TMTC1: variants seen among roughly 807,000 people sequenced by gnomAD.
The protein encoded by TMTC1 is transmembrane O-mannosyltransferase targeting cadherins 1.
TMTC1 carries 73 observed loss-of-function variants against 104.8 expected under a neutral mutation model. The ratio of observed to expected loss-of-function variants is 0.70; its 90% CI spans 0.58 to 0.85. The LOEUF (loss-of-function observed/expected upper bound fraction) is 0.85, where lower values mean the gene tolerates loss of function less well. TMTC1 is among the 40% of genes least tolerant of loss of function. The pLI is 0.00. For synonymous variants in TMTC1, 434 were observed against 428.7 expected, an observed-to-expected ratio of 1.01 and a Z score of -0.15; for missense variants, 1,035 against 1,096.1, an observed-to-expected ratio of 0.94 and a Z score of 0.79.
At chr12:29,622,504 C>A (rs1242348049) in intron 6 of TMTC1, among the ~76,000 whole-genome samples, 1 of 152,100 alleles carries the variant, frequency 6.6e-6, no homozygotes, top group Non-Finnish European at 1.5e-5. Flanking sequence ...TCTATAAGAG[C>A]CATAAAGAAA....
chr12:29,632,555 C>A (rs991212432), intron 6 of TMTC1, among the ~76,000 whole-genome samples: 2 of 152,156 alleles, frequency 1.3e-5, no homozygotes, highest in Admixed American at 1.3e-4. Flanking sequence ...TTTGCTTCCC[C>A]TTCTGCCCTG....
At chr12:29,751,267 C>T (rs1468804607) in intron 5 of TMTC1, among the ~76,000 whole-genome samples, 2 of 152,130 alleles carry the variant, frequency 1.3e-5, no homozygotes, top group African/African-American at 4.8e-5. Flanking sequence ...AAGGAAGAGT[C>T]CTCTGGGTTT....
chr12:29,768,187 T>C, intron 1 of TMTC1, 112 bp from the exon 2 acceptor site: 1 of 816,760 alleles, frequency 1.2e-6, no homozygotes, highest in Non-Finnish European at 1.8e-6. Flanking sequence ...AGATTAATGA[T>C]TTTTAAATGA....
At position 29,536,284 on chromosome 12, in the gene TMTC1, T is replaced by C. The variant is rs1944640981; in HGVS notation, c.1710A>G (p.Leu570=). ...SQEKKEEAIT[L]LKDSIKYGPE... ...GACCATATTTGATGGAATCCTTCAG[T>C]AAGGTGATAGCTTCTTCCTTTTTCT... The change falls in exon 11 of 18, where the codon TTA becomes TTG. Residue 570 remains leucine, a synonymous_variant. Coordinates refer to ENST00000539277, the MANE Select transcript of TMTC1 (RefSeq NM_001193451.2). 1.9e-6 allele frequency: 3 copies of C among 1,612,444 alleles called. No individual in the cohort carries two copies. The highest frequency in any genetic ancestry group is 2.5e-6 in the Non-Finnish European group (3 of 1,179,332).
At chr12:29,677,323 A>G (rs1327801132) in intron 5 of TMTC1, among the ~76,000 whole-genome samples, 1 of 152,180 alleles carries the variant, frequency 6.6e-6, no homozygotes, top group Non-Finnish European at 1.5e-5. Context: ...ACATCTTAAC[A>G]GGACCAATGG....
Position 29,751,824 on chromosome 12 carries a change from G to C in TMTC1, c.780C>G (p.Pro260=). Residue 260 remains proline (P), a synonymous_variant, in exon 5 of 18, where the codon CCC becomes CCG. Coordinates refer to ENST00000539277, the MANE Select transcript of TMTC1 (RefSeq NM_001193451.2). ...CPRSPQQPGS[P]QPSSLPGHPH... ...GATGGCCTGGCAGTGAGGAGGGCTG[G>C]GGGCTCCCGGGCTGCTGTGGGCTGC... The C allele has an allele frequency of 6.2e-7, 1 of 1,603,596 alleles. No homozygotes were observed. Among genetic ancestry groups the C allele is most frequent in the Non-Finnish European group, 8.5e-7 (1 of 1,174,848 alleles).
intron 1 of TMTC1, among the ~76,000 whole-genome samples, chr12:29,774,882 T>A (rs116623189): frequency 1.3e-5 from 2 of 152,144 alleles, no homozygotes; most frequent in Non-Finnish European, 2.9e-5. Context: ...AGAGGGGAGA[T>A]TGATACTCTG....
At chr12:29,677,832 C>T (rs1015412814) in intron 5 of TMTC1, among the ~76,000 whole-genome samples, 2 of 152,230 alleles carry the variant, frequency 1.3e-5, no homozygotes, top group African/African-American at 4.8e-5. Flanking sequence ...TAATGCCCCA[C>T]ACATGCAAAA....
intron 6 of TMTC1, among the ~76,000 whole-genome samples, chr12:29,605,876 T>G (rs867710431): frequency 2.0e-5 from 3 of 152,166 alleles, no homozygotes; most frequent in African/African-American, 7.2e-5. Context: ...CTCCCTCCTT[T>G]CAGAGTCTCC....
chr12:29,661,431 T>G (rs113625992), intron 5 of TMTC1: 1 of 753,952 alleles, frequency 1.3e-6, no homozygotes, highest in East Asian at 1.3e-4. Context: ...TTTTTTTTTT[T>G]TTTTTTTTTG....
chr12:29,569,306 C>A (rs1945602928), intron 9 of TMTC1, among the ~76,000 whole-genome samples: 1 of 152,114 alleles, frequency 6.6e-6, no homozygotes, highest in Admixed American at 6.5e-5. Flanking sequence ...TGTAAGCCAG[C>A]CAAAAAGAGA....
At chr12:29,507,023 C>T (rs202013201) in intron 17 of TMTC1, 37 bp from the exon 18 acceptor site, 2 of 1,588,572 alleles carry the variant, frequency 1.3e-6, no homozygotes, top group East Asian at 2.2e-5. Context: ...ACATTCTGAT[C>T]CATCACAAAA....
At chr12:29,649,886 G>A (rs1031640173) in intron 5 of TMTC1, among the ~76,000 whole-genome samples, 2 of 152,092 alleles carry the variant, frequency 1.3e-5, no homozygotes, top group Non-Finnish European at 2.9e-5. Flanking sequence ...CTATAACCAA[G>A]GTCACCAGTT....
intron 5 of TMTC1, among the ~76,000 whole-genome samples, chr12:29,642,726 C>T (rs1235817453): frequency 6.6e-6 from 1 of 151,964 alleles, no homozygotes; most frequent in Non-Finnish European, 1.5e-5. Context: ...GAGATCAAGA[C>T]CATTCTGGCT....
At chr12:29,718,890 G>A (rs1194207724) in intron 5 of TMTC1, among the ~76,000 whole-genome samples, 3 of 137,532 alleles carry the variant, frequency 2.2e-5, no homozygotes, top group Non-Finnish European at 4.5e-5. Context: ...CTGAGATCGC[G>A]CCACTGCACT....
intron 8 of TMTC1, among the ~76,000 whole-genome samples, chr12:29,577,053 C>T (rs1187897647): frequency 6.6e-6 from 1 of 152,014 alleles, no homozygotes. Flanking sequence ...ATGGAGAATA[C>T]CTAAGGAGAA....
At chr12:29,755,264 C>T (rs978758376) in intron 4 of TMTC1, among the ~76,000 whole-genome samples, 2 of 152,106 alleles carry the variant, frequency 1.3e-5, no homozygotes, top group Non-Finnish European at 2.9e-5. Context: ...CCTCCTAAAA[C>T]TCTTAGGTAA....
At chr12:29,545,520 G>T (rs1944915127) in intron 10 of TMTC1, among the ~76,000 whole-genome samples, 1 of 151,926 alleles carries the variant, frequency 6.6e-6, no homozygotes, top group African/African-American at 2.4e-5. Context: ...CATGCCTGTA[G>T]TCCCAGCTAC....
intron 17 of TMTC1, among the ~76,000 whole-genome samples, chr12:29,510,691 G>A (rs536266297): frequency 4.6e-5 from 7 of 152,224 alleles, no homozygotes; most frequent in South Asian, 2.1e-4. Context: ...AGTAAAACCC[G>A]TTAGGACTTT....
Sources: allele counts gnomAD v4.1 joint callset (sites outside exome capture counted in the v4.1 genomes callset), GRCh38; gene constraint gnomAD v4.1.1; transcripts MANE v1.5; gene names NCBI Gene and HGNC (gene_info 2026-07-23, HGNC 2026-07-21).